Variants in SLC39A10 observed in about 807,000 individuals in gnomAD.
SLC39A10 encodes the protein solute carrier family 39 member 10.
Under a neutral mutation model 65.1 loss-of-function variants are expected in SLC39A10, and 13 were observed. The ratio of observed to expected loss-of-function variants is 0.20; its 90% confidence interval spans 0.13 to 0.32. The LOEUF (loss-of-function observed/expected upper bound fraction) is 0.32. Among genes scored for constraint, SLC39A10 ranks in the 10% least tolerant of loss-of-function variants. SLC39A10 has a pLI of 1.00. For missense variants in SLC39A10, 831 were observed against 1,018.4 expected (o/e 0.82, Z 2.50); for synonymous variants, 321 against 342.2 (o/e 0.94, Z 0.68).
intron 2 of SLC39A10, among the ~76,000 whole-genome samples, chr2:195,682,162 A>G (rs1690349895): frequency 6.6e-6 from 1 of 152,148 alleles, no homozygotes; most frequent in South Asian, 2.1e-4. Flanking sequence ...CATTAAAGGG[A>G]TGTTGATTCC....
intron 2 of SLC39A10, among the ~76,000 whole-genome samples, chr2:195,641,685 CTTTTTTTTTT>C (rs757617526): frequency 7.8e-6 from 1 of 128,118 alleles, no homozygotes; most frequent in Non-Finnish European, 1.6e-5. Context: ...TAGTATAGTT[CTTTTTTTTTT>C]TTTTTTTTGA....
intron 1 of SLC39A10, among the ~76,000 whole-genome samples, chr2:195,660,586 GTAGT>G (rs1156376804): frequency 6.6e-6 from 1 of 152,132 alleles, no homozygotes; most frequent in Non-Finnish European, 1.5e-5. Flanking sequence ...TTTCCTCTGG[GTAGT>G]TAGTGTTGCT....
At chr2:195,658,696 T>C (rs111913154) in intron 1 of SLC39A10, 6 of 152,312 alleles carry the variant, frequency 3.9e-5, no homozygotes, top group South Asian at 2.1e-4. Context: ...GACTCTATTG[T>C]ACAAATATTT....
upstream of SLC39A10, chr2:195,657,196 C>T (rs1689175952): frequency 5.7e-6 from 1 of 175,936 alleles, no homozygotes; most frequent in African/African-American, 2.4e-5. Flanking sequence ...GCAGTTAGCG[C>T]AGTCTGCTTT....
intron 8 of SLC39A10, among the ~76,000 whole-genome samples, chr2:195,724,699 C>T (rs1334146838): frequency 2.0e-5 from 3 of 152,138 alleles, no homozygotes; most frequent in Admixed American, 2.0e-4. Context: ...ATACCAGGTT[C>T]AGGGACCAGA....
At chr2:195,729,186 T>A (rs1315360671) in intron 9 of SLC39A10, among the ~76,000 whole-genome samples, 1 of 152,024 alleles carries the variant, frequency 6.6e-6, no homozygotes, top group East Asian at 1.9e-4. Flanking sequence ...CTTTCTATGT[T>A]GCCCAGGCTG....
intron 2 of SLC39A10, among the ~76,000 whole-genome samples, chr2:195,647,807 A>G (rs1177787990): frequency 6.6e-6 from 1 of 152,082 alleles, no homozygotes; most frequent in African/African-American, 2.4e-5. Context: ...CACAATAAAA[A>G]CACAAACTTT....
intron 3 of SLC39A10, among the ~76,000 whole-genome samples, chr2:195,690,990 A>G (rs974131168): frequency 1.3e-5 from 2 of 151,886 alleles, no homozygotes; most frequent in African/African-American, 4.8e-5. Flanking sequence ...GTGTAGTTTT[A>G]TCCCTTACCC....
In SLC39A10 at chr2:195,683,921, A is replaced by T. The variant is rs1380517401; in HGVS notation, c.1216+15A>T. 5 of 1,584,300 alleles carry T rather than the reference A, an allele frequency of 3.2e-6. No homozygotes were observed. Among genetic ancestry groups the T allele is most frequent in the Non-Finnish European group, 4.3e-6 (5 of 1,159,542 alleles). On this transcript the variant is annotated intron_variant, in intron 3 of 9. Transcript: ENST00000359634. ...AGGGGCATCAGGTAAGAGAGATTTT[A>T]AGTTTTTTCTCCTTAAAATAGTACC...
chr2:195,684,925 A>C (rs1239547991), intron 3 of SLC39A10, among the ~76,000 whole-genome samples: 2 of 152,168 alleles, frequency 1.3e-5, no homozygotes, highest in East Asian at 3.9e-4. Context: ...ACTTAAACAC[A>C]TATCGCAGAC....
In SLC39A10 at chr2:195,641,582, A is replaced by G. The variant is rs527321389; in HGVS notation, c.-12+35349A>G. Among the ~76,000 whole-genome samples, 9 of 152,298 alleles carry G rather than the reference A, an allele frequency of 5.9e-5. No individual in the cohort carries two copies. In the East Asian group the frequency reaches 1.2e-3, roughly 20 times the overall value. On this transcript the variant is annotated intron_variant, in intron 2 of 2. Transcript: ENST00000458054. ...CTTTGTACTAAGTTTTAGAAATCCA[A>G]CGTATGTTTTATACTTATATCACAT... is the stretch of plus-strand genomic sequence containing the variant.
chr2:195,632,553 C>A (rs1225937056), intron 2 of SLC39A10, among the ~76,000 whole-genome samples: 1 of 152,124 alleles, frequency 6.6e-6, no homozygotes, highest in Non-Finnish European at 1.5e-5. Context: ...GGTGATCCAC[C>A]TGCCTTGGCC....
rs1468559640 is a variant in SLC39A10, at chr2:195,615,429, C to T, written c.-12+9196C>T. ...CCTCCCACCTCAACCTCCCAAAGTGCTGGGAGTATAGGTGTGAGCCACTAT... is the reference window on the plus strand; with the variant it reads ...CCTCCCACCTCAACCTCCCAAAGTGTTGGGAGTATAGGTGTGAGCCACTAT... On this transcript the variant is annotated intron_variant, in intron 2 of 2. Transcript: ENST00000458054. 5.3e-5 allele frequency among the ~76,000 whole-genome samples: 8 copies of T among 152,266 alleles called. No homozygotes were observed. In the East Asian group the frequency reaches 1.3e-3, roughly 26 times the overall value.
rs942772675 is a variant in SLC39A10 at position 195,733,124 on chromosome 2, A to G, written c.2338-1759A>G. On this transcript the variant is annotated intron_variant, in intron 9 of 9. Transcript: ENST00000359634. ...AATTGTACCCATTATTTAATAACAA[A>G]TAATGATGTTTCTTCCTAGACAGGA... Among the ~76,000 whole-genome samples, 10 of 152,338 alleles carry G rather than the reference A, an allele frequency of 6.6e-5. No homozygotes were observed. In the South Asian group the frequency reaches 1.2e-3, roughly 19 times the overall value.
chr2:195,731,181 C>G (rs2105849431), intron 9 of SLC39A10, among the ~76,000 whole-genome samples: 1 of 152,238 alleles, frequency 6.6e-6, no homozygotes, highest in African/African-American at 2.4e-5. Context: ...TTTTCATCAT[C>G]CTTGAACATT....
intron 2 of SLC39A10, among the ~76,000 whole-genome samples, chr2:195,681,929 C>T (rs190171504): frequency 3.3e-4 from 50 of 152,270 alleles, no homozygotes; most frequent in Admixed American, 6.5e-4. Flanking sequence ...CTTGTTTTCT[C>T]TGTGTCACTT....
chr2:195,730,181 C>T (rs55848264), intron 9 of SLC39A10, among the ~76,000 whole-genome samples: 16,514 of 152,058 alleles, frequency 0.11, 968 homozygotes, highest in African/African-American at 0.13. Context: ...TCTGCCAGAA[C>T]TGCTTTTGTC....
chr2:195,679,217 C>G (rs1338576336), intron 1 of SLC39A10, among the ~76,000 whole-genome samples: 1 of 151,572 alleles, frequency 6.6e-6, no homozygotes, highest in African/African-American at 2.4e-5. Context: ...GATTTATGTT[C>G]AGGAGCTATT....
chr2:195,691,098 C>T (rs1033534143), intron 3 of SLC39A10, among the ~76,000 whole-genome samples: 10 of 152,054 alleles, frequency 6.6e-5, no homozygotes, highest in Non-Finnish European at 1.3e-4. Context: ...TGAGAACATA[C>T]GATGTTTGGT....
Sources: gnomAD v4.1 joint callset for allele counts (sites outside exome capture counted in the v4.1 genomes callset) on GRCh38, gnomAD v4.1.1 for gene constraint, MANE v1.5 for transcripts, NCBI Gene and HGNC (gene_info 2026-07-23, HGNC 2026-07-21) for gene names.